WDR19: variants seen among roughly 807,000 people sequenced by gnomAD.
WDR19 encodes WD repeat-containing protein 19.
In WDR19, 121 loss-of-function variants were observed where a neutral mutation model predicts 180.0. That is an observed-to-expected ratio of 0.67 (90% CI 0.58 to 0.78). The LOEUF is 0.78. WDR19 is among the 30% of genes least tolerant of loss of function. The probability of loss-of-function intolerance (pLI) is 0.00; values close to 1 mark genes in which losing one functional copy is unlikely to be tolerated. For synonymous variants in WDR19, 497 were observed against 540.7 expected, an observed-to-expected ratio of 0.92 and a Z score of 1.12; for missense variants, 1,450 against 1,640.7, an observed-to-expected ratio of 0.88 and a Z score of 2.01.
chr4:39,271,384 A>G (rs537366419), intron 31 of WDR19, among the ~76,000 whole-genome samples: 38 of 152,334 alleles, frequency 2.5e-4, no homozygotes, highest in Non-Finnish European at 5.4e-4. Flanking sequence ...TAGATCCTGC[A>G]AACATCAAGT....
chr4:39,199,667 A>G, intron 6 of WDR19, 74 bp downstream of exon 6: 1 of 1,219,454 alleles, frequency 8.2e-7, no homozygotes, highest in Non-Finnish European at 1.2e-6. Context: ...CTGTCAAACT[A>G]ATCTATACAA....
chr4:39,197,278 TA>T (rs1240731024), intron 5 of WDR19, among the ~76,000 whole-genome samples: 1 of 151,664 alleles, frequency 6.6e-6, no homozygotes, highest in Admixed American at 6.6e-5. Flanking sequence ...ACAAAAAAAT[TA>T]ACCAGGTGTG....
At chr4:39,227,559 G>A (rs1048431818) in intron 15 of WDR19, among the ~76,000 whole-genome samples, 3 of 152,080 alleles carry the variant, frequency 2.0e-5, no homozygotes, top group Non-Finnish European at 4.4e-5. Context: ...CATTTATATT[G>A]TATTAGGTAT....
intron 9 of WDR19, among the ~76,000 whole-genome samples, chr4:39,210,684 C>CA (rs1292373322): frequency 3.3e-5 from 5 of 151,418 alleles, no homozygotes; most frequent in Admixed American, 1.3e-4. Context: ...AAAAAGAAAA[C>CA]AAAAAAAATG....
At chr4:39,201,921 G>A (rs369467534) in intron 6 of WDR19, among the ~76,000 whole-genome samples, 6 of 152,144 alleles carry the variant, frequency 3.9e-5, no homozygotes, top group Non-Finnish European at 8.8e-5. Context: ...TACATTATAA[G>A]TGTTGCTTTG....
At chr4:39,251,211 T>C (rs1037396617) in intron 24 of WDR19, among the ~76,000 whole-genome samples, 10 of 152,142 alleles carry the variant, frequency 6.6e-5, no homozygotes, top group Non-Finnish European at 1.3e-4. Flanking sequence ...GCTGCATATC[T>C]ACAACTATCT....
chr4:39,246,488 G>T (rs941500197), intron 24 of WDR19, among the ~76,000 whole-genome samples: 4 of 152,336 alleles, frequency 2.6e-5, no homozygotes, highest in African/African-American at 9.6e-5. Flanking sequence ...TCTCACTGGG[G>T]AGTGCTGGAC....
chr4:39,228,818 TGTAAA>T, intron 17 of WDR19, 128 bp downstream of exon 17: 50 of 1,029,444 alleles, frequency 4.9e-5, no homozygotes, highest in Middle Eastern at 2.9e-4. Context: ...TTTTTTTTTT[TGTAAA>T]TGTAGAAGTA....
chr4:39,191,190 G>A (rs1577835197), intron 4 of WDR19, among the ~76,000 whole-genome samples: 1 of 152,160 alleles, frequency 6.6e-6, no homozygotes, highest in African/African-American at 2.4e-5. Context: ...AAGGACTTTT[G>A]TATATACAAA....
At chr4:39,222,995 T>C (rs928695533) in intron 14 of WDR19, among the ~76,000 whole-genome samples, 1 of 152,224 alleles carries the variant, frequency 6.6e-6, no homozygotes, top group Non-Finnish European at 1.5e-5. Context: ...GGCTTTTTTT[T>C]CACTCAGCAG....
At chr4:39,235,666 C>T (rs1262195619) in intron 20 of WDR19, among the ~76,000 whole-genome samples, 3 of 152,016 alleles carry the variant, frequency 2.0e-5, no homozygotes, top group African/African-American at 7.3e-5. Context: ...AGCTTCTGCA[C>T]AGCAAAAGAA....
At chr4:39,227,362 G>T (rs1179384291) in intron 15 of WDR19, among the ~76,000 whole-genome samples, 2 of 152,052 alleles carry the variant, frequency 1.3e-5, no homozygotes, top group Non-Finnish European at 2.9e-5. Context: ...ACTGATTTTT[G>T]TAAACAGCTT....
intron 12 of WDR19, among the ~76,000 whole-genome samples, chr4:39,216,703 A>G (rs1729103827): frequency 6.6e-6 from 1 of 152,144 alleles, no homozygotes; most frequent in African/African-American, 2.4e-5. Context: ...AATAGCTATT[A>G]GCATGTGAGG....
intron 5 of WDR19, 39 bp downstream of exon 5, chr4:39,194,698 G>A: frequency 5.5e-6 from 8 of 1,442,526 alleles, no homozygotes; most frequent in Non-Finnish European, 7.7e-6. Flanking sequence ...TATTTGAGAT[G>A]CTCTACCTCA....
At chr4:39,283,377 A>G (rs560821370) in intron 36 of WDR19, among the ~76,000 whole-genome samples, 1 of 128,640 alleles carries the variant, frequency 7.8e-6, no homozygotes, top group Admixed American at 7.3e-5. Context: ...CTGGTCTACA[A>G]TTTTCCTCTG....
chr4:39,219,445 A>T (rs1729431003), intron 14 of WDR19, among the ~76,000 whole-genome samples: 1 of 152,224 alleles, frequency 6.6e-6, no homozygotes, highest in South Asian at 2.1e-4. Flanking sequence ...CATATATAGA[A>T]CACACAGGTG....
intron 5 of WDR19, among the ~76,000 whole-genome samples, chr4:39,195,396 A>AAC (rs1726650301): frequency 6.9e-6 from 1 of 144,854 alleles, no homozygotes; most frequent in African/African-American, 2.8e-5. Flanking sequence ...ACAAACAAAC[A>AAC]AAAAAAAACA....
At position 39,244,459 on chromosome 4, in the gene WDR19, T is replaced by C. The variant is rs199557916; in HGVS notation, c.2563-11T>C. The C allele has an allele frequency of 1.9e-5, 30 of 1,613,846 alleles. No individual in the cohort carries two copies. The East Asian group carries it at 6.7e-4, about 36-fold the overall frequency. On this transcript the variant is annotated splice_polypyrimidine_tract_variant and intron_variant, in intron 22 of 36. Transcript: ENST00000399820. ...ATAACTTAGTATTTTAATAATCCTG[T>C]CTTATTTTAGCAATTTTCAGAAGCG...
intron 24 of WDR19, among the ~76,000 whole-genome samples, chr4:39,250,308 G>A (rs139182210): frequency 0.083 from 12,606 of 152,088 alleles, 660 homozygotes; most frequent in East Asian, 0.2. Context: ...ATTCAACAAC[G>A]CTTCATGCTA....
Sources: gnomAD v4.1 joint callset for allele counts (sites outside exome capture counted in the v4.1 genomes callset) on GRCh38, gnomAD v4.1.1 for gene constraint, MANE v1.5 for transcripts, NCBI Gene and HGNC (gene_info 2026-07-23, HGNC 2026-07-21) for gene names.